BMERB1: variants seen among roughly 807,000 people sequenced by gnomAD.
BMERB1 encodes bMERB domain-containing protein 1.
A neutral mutation model predicts 23.6 loss-of-function variants in BMERB1; 12 were observed. The ratio of observed to expected loss-of-function variants is 0.51; its 90% confidence interval spans 0.33 to 0.82. The LOEUF (loss-of-function observed/expected upper bound fraction) is 0.82. Ranked by LOEUF, BMERB1 falls within the 40% of genes least tolerant of loss-of-function variation. The pLI is 0.03. For missense variants in BMERB1, 247 were observed against 255.4 expected (o/e 0.97, Z 0.22); for synonymous variants, 122 against 96.6 (o/e 1.26, Z -1.54).
intron 1 of BMERB1, 57 bp downstream of exon 1, chr16:15,434,816 C>T (rs2050872952): frequency 7.2e-7 from 1 of 1,392,784 alleles, no homozygotes; most frequent in Admixed American, 2.6e-5. Flanking sequence ...CATGCGCCTG[C>T]GCGGGTGGTC....
intron 3 of BMERB1, among the ~76,000 whole-genome samples, chr16:15,572,822 T>C (rs1002816936): frequency 1.3e-5 from 2 of 152,158 alleles, no homozygotes; most frequent in African/African-American, 4.8e-5. Flanking sequence ...TAGGAGATGA[T>C]TGAATCATGG....
intron 2 of BMERB1, among the ~76,000 whole-genome samples, chr16:15,532,231 GTTTTTTTTGT>G (rs1716367672): frequency 2.0e-5 from 3 of 148,230 alleles, no homozygotes; most frequent in Admixed American, 1.3e-4. Context: ...TTGTTTTTTT[GTTTTTTTTGT>G]TTTTTTTTGA....
intron 2 of BMERB1, chr16:15,536,955 A>T (rs574841274): frequency 1.3e-5 from 2 of 151,966 alleles, no homozygotes; most frequent in East Asian, 3.8e-4. Flanking sequence ...AATCTGCCCT[A>T]TGTTAGTTTG....
At chr16:15,459,424 A>T (rs1331902451) in intron 1 of BMERB1, among the ~76,000 whole-genome samples, 1 of 152,152 alleles carries the variant, frequency 6.6e-6, no homozygotes, top group Non-Finnish European at 1.5e-5. Flanking sequence ...ATAGGTTGAA[A>T]AGAAAAGGAT....
rs549188506 is a variant in BMERB1, at chr16:15,581,256, A to G, written c.344A>G (p.Glu115Gly). 6.2e-7 allele frequency: 1 copy of G among 1,613,982 alleles called. No homozygotes were observed. Among genetic ancestry groups the G allele is most frequent in the South Asian group, 1.1e-5 (1 of 91,006 alleles). The change falls in exon 4 of 6, where the codon GAG (glutamate) becomes GGG (glycine). Residue 115 changes from glutamate (E) to glycine (G), a missense_variant. Glu to Gly is a moderately conservative substitution (Grantham distance 98, BLOSUM62 -2). Transcript: ENST00000300006. ...AAACTGCAGAAGCAGAGAGAGGATG[A>G]GCTAATCCAGAAGATCCACAAACTG... ...KTKLQKQREDELIQKIHKLVQ... is the reference protein window; with the variant it reads ...KTKLQKQREDGLIQKIHKLVQ...
At chr16:15,458,604 C>A (rs2051107476) in intron 1 of BMERB1, among the ~76,000 whole-genome samples, 1 of 151,126 alleles carries the variant, frequency 6.6e-6, no homozygotes, top group Non-Finnish European at 1.5e-5. Flanking sequence ...GTAGTTCCAG[C>A]TACTTGGGGG....
chr16:15,577,870 G>A (rs562898507), intron 3 of BMERB1, among the ~76,000 whole-genome samples: 2 of 152,182 alleles, frequency 1.3e-5, no homozygotes, highest in Non-Finnish European at 2.9e-5. Context: ...CCGCCATTTT[G>A]CCTCTTAATG....
chr16:15,578,956 A>G (rs2030941432), intron 3 of BMERB1, among the ~76,000 whole-genome samples: 2 of 152,206 alleles, frequency 1.3e-5, no homozygotes, highest in South Asian at 4.1e-4. Context: ...GACTTGGGCT[A>G]GTCATAGGTC....
intron 1 of BMERB1, among the ~76,000 whole-genome samples, chr16:15,483,856 T>G (rs1318924924): frequency 6.6e-6 from 1 of 152,164 alleles, no homozygotes; most frequent in Non-Finnish European, 1.5e-5. Flanking sequence ...GGTAGAGGTA[T>G]CTTAGTCCAT....
intron 2 of BMERB1, among the ~76,000 whole-genome samples, chr16:15,561,281 T>TC (rs2030413235): frequency 1.5e-5 from 2 of 134,838 alleles, no homozygotes; most frequent in African/African-American, 5.8e-5. Flanking sequence ...TTTTTTTTTT[T>TC]TTTGGGAGAA....
intron 1 of BMERB1, among the ~76,000 whole-genome samples, chr16:15,443,867 G>T (rs2050962734): frequency 6.6e-6 from 1 of 151,960 alleles, no homozygotes; most frequent in African/African-American, 2.4e-5. Context: ...TGCAGAGATT[G>T]CACCACTGCA....
chr16:15,581,367 A>AG, intron 4 of BMERB1, 36 bp downstream of exon 4: 1 of 1,557,528 alleles, frequency 6.4e-7, no homozygotes, highest in Non-Finnish European at 8.8e-7. Context: ...ACTGGGCTGC[A>AG]GGACAGCAAC....
intron 2 of BMERB1, among the ~76,000 whole-genome samples, chr16:15,523,619 G>T (rs1346012270): frequency 6.6e-6 from 1 of 152,142 alleles, no homozygotes; most frequent in Non-Finnish European, 1.5e-5. Context: ...CTTACCAACT[G>T]TGTGGCCTGG....
intron 2 of BMERB1, among the ~76,000 whole-genome samples, chr16:15,547,410 C>T (rs1282131611): frequency 1.3e-5 from 2 of 150,844 alleles, no homozygotes; most frequent in Non-Finnish European, 2.9e-5. Flanking sequence ...GGCAGGATCT[C>T]GGCTCACTGC....
chr16:15,519,087 A>G (rs781013556), intron 2 of BMERB1, among the ~76,000 whole-genome samples: 3 of 146,772 alleles, frequency 2.0e-5, no homozygotes, highest in African/African-American at 8.0e-5. Context: ...ACACACACAC[A>G]CACACACACA....
chr16:15,513,731 G>A (rs1408211273), intron 1 of BMERB1, among the ~76,000 whole-genome samples: 3 of 151,634 alleles, frequency 2.0e-5, no homozygotes, highest in African/African-American at 7.3e-5. Context: ...CCATCTCAAC[G>A]AAAAATACAA....
chr16:15,520,504 A>G (rs1289858166), intron 2 of BMERB1, among the ~76,000 whole-genome samples: 1 of 142,006 alleles, frequency 7.0e-6, no homozygotes, highest in East Asian at 2.0e-4. Flanking sequence ...TTTTTGAGAC[A>G]AGAGTCTCGA....
chr16:15,451,032 AT>A (rs1326754672), intron 1 of BMERB1, among the ~76,000 whole-genome samples: 1 of 152,172 alleles, frequency 6.6e-6, no homozygotes, highest in African/African-American at 2.4e-5. Context: ...CAAGTGTGAG[AT>A]TTAAAGCCTC....
intron 1 of BMERB1, among the ~76,000 whole-genome samples, chr16:15,458,260 A>G (rs1225015023): frequency 5.9e-5 from 9 of 152,166 alleles, no homozygotes; most frequent in African/African-American, 1.9e-4. Context: ...ACAACGGCTG[A>G]CTTTCTTATC....
Sources: gnomAD v4.1 joint callset for allele counts (sites outside exome capture counted in the v4.1 genomes callset) on GRCh38, gnomAD v4.1.1 for gene constraint, MANE v1.5 for transcripts, NCBI Gene and HGNC (gene_info 2026-07-23, HGNC 2026-07-21) for gene names.